The following PSMA8 variants were observed in gnomAD, a reference collection of about 807,000 sequenced individuals.
The protein encoded by PSMA8 is proteasome 20S subunit alpha 8.
Under a neutral mutation model 32.4 loss-of-function variants are expected in PSMA8, and 18 were observed. That is an observed-to-expected ratio of 0.56 (90% confidence interval 0.38 to 0.82). The LOEUF is 0.82. PSMA8 is among the 40% of genes least tolerant of loss of function. The pLI is 0.00. For missense variants in PSMA8, 298 were observed against 300.7 expected (o/e 0.99, Z 0.07); for synonymous variants, 104 against 98.1 (o/e 1.06, Z -0.36).
At chr18:26,155,655 A>G (rs1443686598) in intron 3 of PSMA8, among the ~76,000 whole-genome samples, 1 of 152,214 alleles carries the variant, frequency 6.6e-6, no homozygotes, top group Admixed American at 6.5e-5. Flanking sequence ...TCTACTTAAA[A>G]TGGACTAAAG....
intron 3 of PSMA8, among the ~76,000 whole-genome samples, chr18:26,156,889 T>G (rs548835280): frequency 1.3e-5 from 2 of 151,112 alleles, no homozygotes; most frequent in Non-Finnish European, 3.0e-5. Context: ...CAGGCTCAAG[T>G]GATTCTCCTA....
At chr18:26,183,984 T>C (rs1186728410) in intron 6 of PSMA8, among the ~76,000 whole-genome samples, 2 of 150,906 alleles carry the variant, frequency 1.3e-5, no homozygotes, top group Non-Finnish European at 3.0e-5. Flanking sequence ...GAGGCTTACA[T>C]GATTGTTAGC....
Position 26,134,072 on chromosome 18 carries a change from G to A in PSMA8, c.102+5G>A, listed in dbSNP as rs1568050481. 1 of 1,605,778 alleles carries A rather than the reference G, an allele frequency of 6.2e-7. No individual in the cohort carries two copies. Among genetic ancestry groups the A allele is most frequent in the Non-Finnish European group, 8.5e-7 (1 of 1,172,434 alleles). ...GTGAAGAAAGGATCCACCGCGGTGA[G>A]GAAGCAACTATTACCGGACTATTCC... On this transcript the variant is annotated splice_donor_5th_base_variant and intron_variant, in intron 1 of 6. Transcript: ENST00000415576.
Position 26,170,949 on chromosome 18 carries a change from A to G in PSMA8, c.478-7881A>G. 1.9e-6 allele frequency: 3 copies of G among 1,557,206 alleles called. 1 individual carries two copies. The South Asian group carries it at 3.3e-5, about 17-fold the overall frequency. On this transcript the variant is annotated intron_variant, in intron 4 of 6. Transcript: ENST00000415576. ...AACAGAACTGCCACCAACTATCCAG[A>G]CCATGTCTACTTTATTTGCTAATTC... is the stretch of plus-strand genomic sequence containing the variant.
intron 2 of PSMA8, among the ~76,000 whole-genome samples, chr18:26,148,503 A>G (rs1167761033): frequency 6.6e-6 from 1 of 152,146 alleles, no homozygotes; most frequent in East Asian, 1.9e-4. Context: ...TAGAAATAAA[A>G]GGAAATCACC....
In PSMA8 at chr18:26,190,052, A is replaced by G. The variant is rs1041952286; in HGVS notation, c.661-2267A>G. ...AAATAAGGCAGGCATGGAAAGACAGACATTGCATGTTTTTACTCATTTGTG... is the reference window on the plus strand; with the variant it reads ...AAATAAGGCAGGCATGGAAAGACAGGCATTGCATGTTTTTACTCATTTGTG... On this transcript the variant is annotated intron_variant, in intron 6 of 6. Transcript: ENST00000415576. 2.2e-4 allele frequency among the ~76,000 whole-genome samples: 34 copies of G among 152,184 alleles called. 1 individual carries two copies. Among genetic ancestry groups the G allele is most frequent in the African/African-American group, 7.0e-4 (29 of 41,442 alleles).
chr18:26,173,212 C>T (rs76081962), intron 4 of PSMA8, among the ~76,000 whole-genome samples: 2 of 152,306 alleles, frequency 1.3e-5, no homozygotes, highest in East Asian at 3.9e-4. Context: ...ATTAACTCCT[C>T]CGTTGCTTTC....
At chr18:26,171,832 A>T (rs1051857084) in intron 4 of PSMA8, among the ~76,000 whole-genome samples, 2 of 152,168 alleles carry the variant, frequency 1.3e-5, no homozygotes, top group African/African-American at 4.8e-5. Context: ...TTGCTGTTTC[A>T]TGGATACTGG....
rs1355545716 is a variant in PSMA8, at chr18:26,171,262, C to T, written c.478-7568C>T. 1.1e-5 allele frequency: 17 copies of T among 1,561,790 alleles called. 2 individuals carry two copies. Among genetic ancestry groups the T allele is most frequent in the Admixed American group, 1.8e-5 (1 of 55,184 alleles). On this transcript the variant is annotated intron_variant, in intron 4 of 6. Coordinates refer to ENST00000415576, the MANE Select transcript of PSMA8 (RefSeq NM_001025096.2). ...ATGCCCATGTTCTGGGACACAGCGA[C>T]GATGCAGTTTAGCGAACCAACCATG...
intron 1 of PSMA8, chr18:26,140,197 T>C: frequency 4.3e-6 from 3 of 700,076 alleles, no homozygotes; most frequent in Admixed American, 4.0e-5. Context: ...GCCACTAGAG[T>C]CCTTTGGCAG....
chr18:26,148,181 A>G lies in PSMA8; in HGVS notation c.229+3496A>G, dbSNP rs530567930. 2.0e-5 allele frequency among the ~76,000 whole-genome samples: 3 copies of G among 152,278 alleles called. No homozygotes were observed. The South Asian group carries it at 6.2e-4, about 32-fold the overall frequency. On this transcript the variant is annotated intron_variant, in intron 2 of 6. Transcript: ENST00000415576. Reference sequence around the variant, plus strand: ...CTTCCAAGTTTAATCTATAAGACCAATATTAACATAATGCCAAAGCCAAAG... The same window carrying G: ...CTTCCAAGTTTAATCTATAAGACCAGTATTAACATAATGCCAAAGCCAAAG...
chr18:26,143,348 A>C (rs1430561053), intron 1 of PSMA8, among the ~76,000 whole-genome samples: 2 of 152,132 alleles, frequency 1.3e-5, no homozygotes, highest in African/African-American at 4.8e-5. Context: ...TGTATGAGCA[A>C]AGCCTATGAT....
chr18:26,190,323 C>T (rs373636641), intron 6 of PSMA8, among the ~76,000 whole-genome samples: 2 of 152,098 alleles, frequency 1.3e-5, no homozygotes, highest in East Asian at 1.9e-4. Flanking sequence ...AGGATAAATG[C>T]TTGAGGGGAT....
chr18:26,173,017 C>T (rs1174669309), intron 4 of PSMA8, among the ~76,000 whole-genome samples: 2 of 152,176 alleles, frequency 1.3e-5, no homozygotes. Flanking sequence ...GCGTTCTTGG[C>T]ACACCCAGAA....
intron 1 of PSMA8, among the ~76,000 whole-genome samples, chr18:26,138,227 A>G (rs1598639688): frequency 1.3e-5 from 2 of 152,346 alleles, no homozygotes; most frequent in African/African-American, 2.4e-5. Flanking sequence ...AGATACTCAC[A>G]TGACCTAAGT....
rs187131652 is a variant in PSMA8, at chr18:26,181,816, C to T, written c.660+2686C>T. On this transcript the variant is annotated intron_variant, in intron 6 of 6. Coordinates refer to ENST00000415576, the MANE Select transcript of PSMA8 (RefSeq NM_001025096.2). ...GCACGCACCTGTAATCCCAGCTACT[C>T]GGCAGGCTGAGGCAGGAGAATCGCT... is the stretch of plus-strand genomic sequence containing the variant. Among the ~76,000 whole-genome samples, 490 of 151,776 alleles carry T rather than the reference C, an allele frequency of 3.2e-3. 1 individual carries two copies. The highest frequency in any genetic ancestry group is 5.3e-3 in the Non-Finnish European group (362 of 67,940).
At position 26,134,367 on chromosome 18, in the gene PSMA8, CTGTG is replaced by C. The variant is rs71169816; in HGVS notation, c.102+318_102+321del. Among the ~76,000 whole-genome samples, 56 of 131,974 alleles carry C rather than the reference CTGTG, an allele frequency of 4.2e-4. No homozygotes were observed. The South Asian group carries it at 9.5e-3, about 22-fold the overall frequency. The allele number at this position is 131,974 out of a possible 152,430, so 86.6% of individuals were successfully genotyped here. On this transcript the variant is annotated intron_variant, in intron 1 of 6. Coordinates refer to ENST00000415576, the MANE Select transcript of PSMA8 (RefSeq NM_001025096.2). Reference sequence around the variant, plus strand: ...TGTGTGTGTGTGTGTGTGTGTGTCTCTGTGTGTGTGTGTGTGTGTGTAGGGACGT... The same window carrying C: ...TGTGTGTGTGTGTGTGTGTGTGTCTCTGTGTGTGTGTGTGTGTAGGGACGT...
chr18:26,166,314 C>T (rs1189202016), intron 4 of PSMA8, among the ~76,000 whole-genome samples: 1 of 150,950 alleles, frequency 6.6e-6, no homozygotes, highest in Non-Finnish European at 1.5e-5. Context: ...CCTAATAATA[C>T]TGAGACAATA....
intron 6 of PSMA8, among the ~76,000 whole-genome samples, chr18:26,189,139 A>G (rs780369856): frequency 6.6e-6 from 1 of 152,198 alleles, no homozygotes; most frequent in Non-Finnish European, 1.5e-5. Context: ...AGACAACTCT[A>G]TAAGAGAAAA....
Sources: allele counts gnomAD v4.1 joint callset (sites outside exome capture counted in the v4.1 genomes callset), GRCh38; gene constraint gnomAD v4.1.1; transcripts MANE v1.5; gene names NCBI Gene and HGNC (gene_info 2026-07-23, HGNC 2026-07-21).